NTRK3: variants seen among roughly 807,000 people sequenced by gnomAD.
The protein encoded by NTRK3 is NT-3 growth factor receptor.
NTRK3 carries 24 observed loss-of-function variants against 91.7 expected under a neutral mutation model. The observed-to-expected ratio is 0.26, with a 90% CI of 0.19 to 0.37. The LOEUF (loss-of-function observed/expected upper bound fraction) is 0.37. Among genes scored for constraint, NTRK3 ranks in the 10% least tolerant of loss-of-function variants. The pLI, the probability that NTRK3 is intolerant of heterozygous loss-of-function variation, is 1.00. For missense variants in NTRK3, 880 were observed against 1,068.9 expected (o/e 0.82, Z 2.46); for synonymous variants, 483 against 404.0 (o/e 1.20, Z -2.34).
intron 10 of NTRK3, among the ~76,000 whole-genome samples, chr15:88,133,574 C>A (rs2151176736): frequency 6.6e-6 from 1 of 152,298 alleles, no homozygotes; most frequent in South Asian, 2.1e-4. Flanking sequence ...AGAATTTATT[C>A]TCTAATCAGG....
At chr15:88,251,527 C>CAT in intron 3 of NTRK3, among the ~76,000 whole-genome samples, 1 of 152,358 alleles carries the variant, frequency 6.6e-6, no homozygotes, top group South Asian at 2.1e-4. Flanking sequence ...GGCTGGAGAC[C>CAT]ATGCCTATGA....
At chr15:88,043,212 C>T (rs1373189197) in intron 13 of NTRK3, among the ~76,000 whole-genome samples, 1 of 152,188 alleles carries the variant, frequency 6.6e-6, no homozygotes, top group Non-Finnish European at 1.5e-5. Context: ...TCTCCAAAGA[C>T]TCTTTGTACA....
chr15:87,878,837 A>G (rs1219769936), intron 18 of NTRK3, among the ~76,000 whole-genome samples: 1 of 151,618 alleles, frequency 6.6e-6, no homozygotes, highest in Non-Finnish European at 1.5e-5. Context: ...ACCAATAGCA[A>G]CCTCAGCCCA....
At chr15:88,097,117 T>C (rs974490681) in intron 13 of NTRK3, among the ~76,000 whole-genome samples, 27 of 152,334 alleles carry the variant, frequency 1.8e-4, no homozygotes, top group African/African-American at 6.0e-4. Flanking sequence ...GCTGACATGA[T>C]AGCATCTCTG....
Position 88,135,416 on chromosome 15 carries a change from G to T in NTRK3, c.908-19C>A. 2 of 1,611,178 alleles carry T rather than the reference G, an allele frequency of 1.2e-6. No individual in the cohort carries two copies. The highest frequency in any genetic ancestry group is 1.7e-6 in the Non-Finnish European group (2 of 1,179,506). ...GGGGGATCTGTCAAGGGAGAAGCCT[G>T]CTGAAATCCAGGACACAGAGTCTAC... On this transcript the variant is annotated intron_variant, in intron 9 of 18. Transcript: ENST00000394480.
intron 5 of NTRK3, among the ~76,000 whole-genome samples, chr15:88,171,117 C>T (rs193280726): frequency 2.6e-4 from 39 of 152,284 alleles, no homozygotes; most frequent in African/African-American, 8.4e-4. Context: ...CAAAGAGAAA[C>T]AGCTGTCGGA....
chr15:88,133,017 T>TGGG (rs1397370025), intron 10 of NTRK3, among the ~76,000 whole-genome samples: 3 of 152,122 alleles, frequency 2.0e-5, no homozygotes, highest in Non-Finnish European at 2.9e-5. Flanking sequence ...TGGAGTCACC[T>TGGG]GGGGGCTTGT....
chr15:88,236,514 TAAAAAAAA>T lies in NTRK3; in HGVS notation c.248+19384_248+19391del, dbSNP rs60187446. Among the ~76,000 whole-genome samples the T allele has an allele frequency of 4.1e-3, 220 of 53,782 alleles. 3 individuals are homozygous for T. In the Middle Eastern group the frequency reaches 0.048, roughly 12 times the overall value. The allele number at this position is 53,782 out of a possible 152,430, so 35.3% of individuals were successfully genotyped here. On this transcript the variant is annotated intron_variant, in intron 3 of 18. Coordinates refer to ENST00000394480, the Ensembl canonical transcript of NTRK3. ...AAAGTGAGACTCCAGCCTCTATTATTAAAAAAAAAAAAAAAAAAAAAAAAATTGTAAAA... is the reference window on the plus strand; with the variant it reads ...AAAGTGAGACTCCAGCCTCTATTATTAAAAAAAAAAAAAAAAATTGTAAAA...
At chr15:88,136,023 G>C (rs1034216513) in exon 9 of NTRK3, 11 of 1,614,196 alleles carry the variant, frequency 6.8e-6, no homozygotes, top group Non-Finnish European at 9.3e-6. Flanking sequence ...CATGAACATT[G>C]GTCCAGTTCA....
chr15:88,131,751 T>C (rs2041373637), intron 10 of NTRK3, among the ~76,000 whole-genome samples: 1 of 152,246 alleles, frequency 6.6e-6, no homozygotes, highest in South Asian at 2.1e-4. Flanking sequence ...GTTTAAGGCC[T>C]TTGCCAGGGC....
At chr15:88,158,739 G>A (rs2044153494) in intron 5 of NTRK3, among the ~76,000 whole-genome samples, 1 of 152,162 alleles carries the variant, frequency 6.6e-6, no homozygotes, top group Non-Finnish European at 1.5e-5. Context: ...GGCGCTGCCA[G>A]GCAGATGCTG....
At chr15:88,037,132 A>G (rs1220324688) in intron 13 of NTRK3, among the ~76,000 whole-genome samples, 2 of 152,234 alleles carry the variant, frequency 1.3e-5, no homozygotes, top group African/African-American at 2.4e-5. Context: ...AAGACCTGAG[A>G]GAGATAAAAG....
chr15:87,901,853 A>T (rs776238267), intron 17 of NTRK3, among the ~76,000 whole-genome samples: 2 of 152,128 alleles, frequency 1.3e-5, no homozygotes, highest in Non-Finnish European at 1.5e-5. Flanking sequence ...GAGATAGAAA[A>T]ATCCAAGTCT....
At chr15:87,889,396 C>CTTTTTTTTTTTTTT (rs568030482) in intron 17 of NTRK3, among the ~76,000 whole-genome samples, 1 of 95,630 alleles carries the variant, frequency 1.0e-5, no homozygotes, top group Non-Finnish European at 1.9e-5. Flanking sequence ...TTATTAGTTC[C>CTTTTTTTTTTTTTT]TTTTTTTTTT....
At chr15:87,870,165 G>A (rs138398433) in exon 19 of NTRK3, 13 of 182,678 alleles carry the variant, frequency 7.1e-5, no homozygotes, top group Non-Finnish European at 1.2e-4. Flanking sequence ...TCAATGAGCA[G>A]ATAAAGAAAC....
intron 3 of NTRK3, among the ~76,000 whole-genome samples, chr15:88,208,305 C>G (rs532966691): frequency 6.6e-6 from 1 of 151,920 alleles, no homozygotes; most frequent in Non-Finnish European, 1.5e-5. Flanking sequence ...GTCTCCACCC[C>G]CTTTGGATGT....
intron 13 of NTRK3, among the ~76,000 whole-genome samples, chr15:88,090,560 C>A (rs1214194188): frequency 6.6e-6 from 1 of 152,178 alleles, no homozygotes; most frequent in African/African-American, 2.4e-5. Context: ...AATGCAAATT[C>A]AGCCAGAGTC....
At chr15:87,882,454 A>C (rs1056486363) in intron 17 of NTRK3, among the ~76,000 whole-genome samples, 1 of 152,202 alleles carries the variant, frequency 6.6e-6, no homozygotes, top group Non-Finnish European at 1.5e-5. Context: ...AATTTGAATA[A>C]TGGTTGTTAA....
intron 17 of NTRK3, among the ~76,000 whole-genome samples, chr15:87,894,506 C>T (rs1015998609): frequency 1.3e-5 from 2 of 152,114 alleles, no homozygotes; most frequent in African/African-American, 4.8e-5. Context: ...CTGATCATTC[C>T]CTGATGGTAT....
Sources: gnomAD v4.1 joint callset for allele counts (sites outside exome capture counted in the v4.1 genomes callset) on GRCh38, gnomAD v4.1.1 for gene constraint, MANE v1.5 for transcripts, NCBI Gene and HGNC (gene_info 2026-07-23, HGNC 2026-07-21) for gene names.